Variants in TBCA observed in about 807,000 individuals in gnomAD.
TBCA encodes the protein tubulin-specific chaperone A.
A neutral mutation model predicts 15.8 loss-of-function variants in TBCA; 6 were observed. The observed-to-expected ratio is 0.38, with a 90% CI of 0.21 to 0.75. The LOEUF (loss-of-function observed/expected upper bound fraction) is 0.75. Among genes scored for constraint, TBCA ranks in the 30% least tolerant of loss-of-function variants. The probability of loss-of-function intolerance (pLI) is 0.46; values close to 1 mark genes in which losing one functional copy is unlikely to be tolerated. For synonymous variants in TBCA, 32 were observed against 42.3 expected (o/e 0.76, Z 0.94); for missense variants, 90 against 131.2 (o/e 0.69, Z 1.53).
At chr5:77,700,480 A>T (rs1362610224) in intron 2 of TBCA, among the ~76,000 whole-genome samples, 1 of 152,214 alleles carries the variant, frequency 6.6e-6, no homozygotes, top group Non-Finnish European at 1.5e-5. Context: ...GCCATTATGG[A>T]AATGCAAATT....
At chr5:77,735,740 T>A in intron 1 of TBCA, among the ~76,000 whole-genome samples, 1 of 152,228 alleles carries the variant, frequency 6.6e-6, no homozygotes, top group Non-Finnish European at 1.5e-5. Context: ...TTATTTGGCT[T>A]AATTTGTCCT....
intron 1 of TBCA, among the ~76,000 whole-genome samples, chr5:77,748,606 T>C (rs545333579): frequency 6.6e-6 from 1 of 152,220 alleles, no homozygotes; most frequent in African/African-American, 2.4e-5. Flanking sequence ...ATGTAGAAAG[T>C]ACTTTCCTAA....
chr5:77,692,916 A>G (rs1218743614), intron 3 of TBCA: 2 of 1,232,334 alleles, frequency 1.6e-6, no homozygotes, highest in Non-Finnish European at 2.0e-6. Flanking sequence ...TAGATCTTTT[A>G]AAATTTTAAT....
intron 2 of TBCA, among the ~76,000 whole-genome samples, chr5:77,696,613 T>C (rs1198198177): frequency 6.6e-6 from 1 of 152,166 alleles, no homozygotes; most frequent in Non-Finnish European, 1.5e-5. Context: ...ATATATATAA[T>C]GTAAACATTA....
chr5:77,756,952 T>C (rs1580131836), intron 1 of TBCA, among the ~76,000 whole-genome samples: 1 of 152,162 alleles, frequency 6.6e-6, no homozygotes, highest in East Asian at 1.9e-4. Flanking sequence ...GTACCAAAGA[T>C]GGCAAAAGGG....
intron 2 of TBCA, among the ~76,000 whole-genome samples, chr5:77,707,053 C>CAGAATGCCTGTGTTCAAATCT (rs1428639115): frequency 6.6e-6 from 1 of 151,776 alleles, no homozygotes; most frequent in East Asian, 2.0e-4. Flanking sequence ...TTTTGAACAC[C>CAGAATGCCTGTGTTCAAATCT]TCAGAGGATA....
At chr5:77,716,876 A>G (rs1303463931) in intron 1 of TBCA, among the ~76,000 whole-genome samples, 1 of 152,208 alleles carries the variant, frequency 6.6e-6, no homozygotes, top group Non-Finnish European at 1.5e-5. Context: ...GAAGAAACCA[A>G]TCACAATGAT....
intron 1 of TBCA, among the ~76,000 whole-genome samples, chr5:77,751,159 CTTTTTTTTTTTTTTTT>C (rs10573352): frequency 2.4e-5 from 2 of 81,936 alleles, no homozygotes; most frequent in Admixed American, 3.0e-4. Flanking sequence ...TTCTTTCTTT[CTTTTTTTTTTTTTTTT>C]TTTTTTTGAG....
chr5:77,729,452 GAAAA>G (rs1159447427), intron 1 of TBCA, among the ~76,000 whole-genome samples: 1 of 152,024 alleles, frequency 6.6e-6, no homozygotes, highest in Non-Finnish European at 1.5e-5. Flanking sequence ...CATGGAACCA[GAAAA>G]AAAGAGAATT....
intron 1 of TBCA, among the ~76,000 whole-genome samples, chr5:77,731,857 A>G (rs1438931747): frequency 2.6e-5 from 4 of 152,214 alleles, no homozygotes; most frequent in African/African-American, 9.6e-5. Context: ...TGAAAGAGTT[A>G]ATAGTTAAAG....
In TBCA at chr5:77,714,870, ATTAT is replaced by A. The variant is rs2099666465; in HGVS notation, c.54-6527_54-6524del. Among the ~76,000 whole-genome samples, 4 of 152,210 alleles carry A rather than the reference ATTAT, an allele frequency of 2.6e-5. No individual in the cohort carries two copies. In the South Asian group the frequency reaches 8.3e-4, roughly 32 times the overall value. ...CGTGAGCCACTGCACCCGGCCAACAATTATTTATTAAAGGGCTACTATGTGCCAG... is the reference window on the plus strand; with the variant it reads ...CGTGAGCCACTGCACCCGGCCAACAATTATTAAAGGGCTACTATGTGCCAG... On this transcript the variant is annotated intron_variant, in intron 1 of 3. Transcript: ENST00000380377.
chr5:77,710,846 A>T (rs1322417677), intron 1 of TBCA, among the ~76,000 whole-genome samples: 1 of 152,212 alleles, frequency 6.6e-6, no homozygotes, highest in Non-Finnish European at 1.5e-5. Flanking sequence ...TATCACTATC[A>T]TTATATAATC....
chr5:77,751,318 C>A (rs181034195), intron 1 of TBCA, among the ~76,000 whole-genome samples: 2 of 151,864 alleles, frequency 1.3e-5, no homozygotes, highest in Non-Finnish European at 2.9e-5. Flanking sequence ...CCCACCACCA[C>A]GCCCAGCTAA....
At chr5:77,743,998 T>C (rs1010566007) in intron 1 of TBCA, among the ~76,000 whole-genome samples, 2 of 152,202 alleles carry the variant, frequency 1.3e-5, no homozygotes, top group Non-Finnish European at 2.9e-5. Flanking sequence ...ATTAATAGTA[T>C]GACATATACA....
chr5:77,693,752 T>C (rs943780350), intron 2 of TBCA: 47 of 152,036 alleles, frequency 3.1e-4, no homozygotes, highest in African/African-American at 1.2e-3. Context: ...TGAGCTGAGA[T>C]TGCACCATTG....
intron 1 of TBCA, among the ~76,000 whole-genome samples, chr5:77,766,171 T>C (rs1747771988): frequency 6.6e-6 from 1 of 152,164 alleles, no homozygotes; most frequent in Admixed American, 6.5e-5. Context: ...GATTAGTCTA[T>C]GTAACTTAGC....
chr5:77,723,604 T>C (rs1008416462), intron 1 of TBCA, among the ~76,000 whole-genome samples: 4 of 151,962 alleles, frequency 2.6e-5, no homozygotes, highest in African/African-American at 9.7e-5. Flanking sequence ...CTATAATTCC[T>C]GGAAAATTGA....
chr5:77,747,426 CTAAACTT>C (rs1747212606), intron 1 of TBCA, among the ~76,000 whole-genome samples: 1 of 152,030 alleles, frequency 6.6e-6, no homozygotes, highest in Non-Finnish European at 1.5e-5. Flanking sequence ...TACATAGAAT[CTAAACTT>C]TTAGAGCAGT....
At chr5:77,705,668 A>C in intron 2 of TBCA, 1 of 397,954 alleles carries the variant, frequency 2.5e-6, no homozygotes, top group East Asian at 3.6e-5. Context: ...TCTCTATAAA[A>C]AATTTAAAAA....
Sources: allele counts gnomAD v4.1 joint callset (sites outside exome capture counted in the v4.1 genomes callset), GRCh38; gene constraint gnomAD v4.1.1; transcripts MANE v1.5; gene names NCBI Gene and HGNC (gene_info 2026-07-23, HGNC 2026-07-21).